METTL16: variants seen among roughly 807,000 people sequenced by gnomAD.
METTL16 encodes RNA N(6)-adenosine-methyltransferase METTL16.
A neutral mutation model predicts 57.9 loss-of-function variants in METTL16; 19 were observed. The observed-to-expected ratio is 0.33, with a 90% CI of 0.23 to 0.48. The LOEUF (loss-of-function observed/expected upper bound fraction) is 0.48. METTL16 is among the 20% of genes least tolerant of loss of function. The pLI, the probability that METTL16 is intolerant of heterozygous loss-of-function variation, is 0.99. For missense variants in METTL16, 434 were observed against 691.5 expected, an observed-to-expected ratio of 0.63 and a Z score of 4.18; for synonymous variants, 246 against 255.6, an observed-to-expected ratio of 0.96 and a Z score of 0.36.
chr17:2,424,033 T>TAC (rs1182776228), intron 8 of METTL16: 1 of 152,198 alleles, frequency 6.6e-6, no homozygotes, highest in East Asian at 1.9e-4. Context: ...CTTTCCCATA[T>TAC]ACAATGGTCA....
At chr17:2,431,595 G>A (rs2066874613) in intron 8 of METTL16, among the ~76,000 whole-genome samples, 1 of 152,114 alleles carries the variant, frequency 6.6e-6, no homozygotes, top group Non-Finnish European at 1.5e-5. Context: ...AGCTGCATGA[G>A]AGGATCGGCA....
At chr17:2,459,174 A>T (rs2067131312) in intron 6 of METTL16, among the ~76,000 whole-genome samples, 1 of 152,196 alleles carries the variant, frequency 6.6e-6, no homozygotes, top group South Asian at 2.1e-4. Flanking sequence ...AGCCAAAGTA[A>T]GGGTGACAAG....
At chr17:2,439,719 A>G (rs1391879971) in intron 7 of METTL16, among the ~76,000 whole-genome samples, 1 of 152,192 alleles carries the variant, frequency 6.6e-6, no homozygotes, top group Non-Finnish European at 1.5e-5. Context: ...TCTCTCTGAC[A>G]TTCTACTCAC....
At chr17:2,458,830 A>G (rs1440504628) in intron 6 of METTL16, among the ~76,000 whole-genome samples, 1 of 150,208 alleles carries the variant, frequency 6.7e-6, no homozygotes, top group Non-Finnish European at 1.5e-5. Context: ...TTTTTGAGAT[A>G]GGGTCTCACT....
Position 2,420,304 on chromosome 17 carries a change from T to G in METTL16, c.1355A>C (p.Glu452Ala), listed in dbSNP as rs1324960853. 1.2e-6 allele frequency: 2 copies of G among 1,612,632 alleles called. No individual in the cohort carries two copies. The highest frequency in any genetic ancestry group is 1.7e-6 in the Non-Finnish European group (2 of 1,180,028). Residue 452 changes from glutamate (E) to alanine (A), a missense_variant, in exon 10 of 10, where the codon GAG becomes GCG. Physicochemically the swap from Glu to Ala is moderately radical, Grantham distance 107. Coordinates refer to ENST00000263092, the MANE Select transcript of METTL16 (RefSeq NM_024086.4). This position sits in a 1 kb window ranked among gnomAD's most constrained non-coding sequence, Gnocchi z 5.4. ...AAVEGPCPSQ[E>A]SLSQEENPEP... Reference sequence around the variant, plus strand: ...CGGGTTTTCCTCCTGGGACAGGGACTCCTGGCTCGGGCACGGGCCCTCCAC... The same window carrying G: ...CGGGTTTTCCTCCTGGGACAGGGACGCCTGGCTCGGGCACGGGCCCTCCAC...
At chr17:2,469,344 C>T (rs2067222228) in intron 4 of METTL16, among the ~76,000 whole-genome samples, 1 of 152,134 alleles carries the variant, frequency 6.6e-6, no homozygotes, top group Non-Finnish European at 1.5e-5. Flanking sequence ...ATATTAATGT[C>T]TCCCCTTACA....
At chr17:2,491,667 A>G (rs1006655497) in intron 2 of METTL16, among the ~76,000 whole-genome samples, 2 of 151,836 alleles carry the variant, frequency 1.3e-5, no homozygotes, top group East Asian at 3.9e-4. Flanking sequence ...CGAGGTCAGG[A>G]GATGGAGACC....
chr17:2,446,844 G>A (rs994469903), intron 6 of METTL16, among the ~76,000 whole-genome samples: 7 of 152,146 alleles, frequency 4.6e-5, no homozygotes, highest in Non-Finnish European at 1.0e-4. Context: ...CGGCCTCCCG[G>A]GGTGCCGGGA....
intron 8 of METTL16, chr17:2,436,860 T>G (rs1048008897): frequency 6.6e-6 from 1 of 151,676 alleles, no homozygotes; most frequent in Non-Finnish European, 1.4e-5. Context: ...AAGAGACATC[T>G]GTGAACAAAC....
intron 6 of METTL16, among the ~76,000 whole-genome samples, chr17:2,456,105 C>A (rs943397047): frequency 6.6e-6 from 1 of 152,086 alleles, no homozygotes; most frequent in Non-Finnish European, 1.5e-5. Context: ...GCATCTACCC[C>A]CTGTGGAGCT....
At chr17:2,483,168 T>C (rs2067318988) in intron 2 of METTL16, among the ~76,000 whole-genome samples, 1 of 152,058 alleles carries the variant, frequency 6.6e-6, no homozygotes, top group African/African-American at 2.4e-5. Flanking sequence ...AAACTACGGC[T>C]AAAACAAAAT....
intron 5 of METTL16, 149 bp from the exon 6 acceptor site, chr17:2,464,499 A>T (rs2067176095): frequency 1.5e-6 from 1 of 672,726 alleles, no homozygotes; most frequent in Non-Finnish European, 2.3e-6. Flanking sequence ...CATAGCCACT[A>T]AAATATTTTA....
chr17:2,447,920 C>T (rs2067022242), intron 6 of METTL16, among the ~76,000 whole-genome samples: 1 of 108,234 alleles, frequency 9.2e-6, no homozygotes. Flanking sequence ...AGCCCCCCGC[C>T]CGGCCAGCCG....
intron 8 of METTL16, among the ~76,000 whole-genome samples, chr17:2,430,098 G>A (rs569131277): frequency 1.3e-5 from 2 of 151,894 alleles, no homozygotes; most frequent in African/African-American, 4.8e-5. Flanking sequence ...ACAGACATGA[G>A]CCACCTGCCC....
At chr17:2,425,606 G>T (rs1245861612) in intron 8 of METTL16, among the ~76,000 whole-genome samples, 2 of 151,866 alleles carry the variant, frequency 1.3e-5, no homozygotes, top group Non-Finnish European at 2.9e-5. Flanking sequence ...CATCAATCAG[G>T]CACAAACAAA....
At chr17:2,460,885 C>CAAA (rs1369970185) in intron 6 of METTL16, among the ~76,000 whole-genome samples, 6 of 57,822 alleles carry the variant, frequency 1.0e-4, no homozygotes, top group South Asian at 5.5e-4. Flanking sequence ...AACTCAGTCT[C>CAAA]AAAAAAAAAA....
chr17:2,417,705 C>T lies in METTL16; in HGVS notation c.*2265G>A, dbSNP rs1280013765. Reference sequence around the variant, plus strand: ...GTTAAACCCACACACTCACACACCCCGTCTACAGAGAGACTAGAAAGGAAC... The same window carrying T: ...GTTAAACCCACACACTCACACACCCTGTCTACAGAGAGACTAGAAAGGAAC... On this transcript the variant is annotated 3_prime_UTR_variant, in exon 10 of 10. Coordinates refer to ENST00000263092, the MANE Select transcript of METTL16 (RefSeq NM_024086.4). 2 of 152,114 alleles carry T rather than the reference C, an allele frequency of 1.3e-5. No homozygotes were observed. Among genetic ancestry groups the T allele is most frequent in the African/African-American group, 2.4e-5 (1 of 41,410 alleles). The allele number at this position is 152,114 out of a possible 1,614,324, so 9.4% of individuals were successfully genotyped here. A position where few individuals can be genotyped will look rare whatever the true frequency, so the allele number is the denominator to read the frequency against.
At position 2,462,518 on chromosome 17, in the gene METTL16, G is replaced by A. The variant is rs550327267; in HGVS notation, c.728+1690C>T. Among the ~76,000 whole-genome samples the A allele has an allele frequency of 7.9e-5, 12 of 152,258 alleles. No homozygotes were observed. The East Asian group carries it at 1.4e-3, about 17-fold the overall frequency. On this transcript the variant is annotated intron_variant, in intron 6 of 9. Transcript: ENST00000263092. ...TCAAACTGTAATCTCTAGTGTTGGC[G>A]ACGGGGCCTGCTGGGAGGTGACTGG... is the stretch of plus-strand genomic sequence containing the variant.
intron 2 of METTL16, among the ~76,000 whole-genome samples, chr17:2,500,856 C>T (rs763308442): frequency 2.0e-5 from 3 of 152,136 alleles, no homozygotes; most frequent in African/African-American, 7.2e-5. Context: ...ATGGCTCACA[C>T]CTGTAATCCC....
Sources: gnomAD v4.1 joint callset for allele counts (sites outside exome capture counted in the v4.1 genomes callset) on GRCh38, gnomAD v4.1.1 for gene constraint, Gnocchi (gnomAD v3.1) non-coding constraint, MANE v1.5 for transcripts, NCBI Gene and HGNC (gene_info 2026-07-23, HGNC 2026-07-21) for gene names.